The following SPECC1 variants were observed in gnomAD, a reference collection of about 807,000 sequenced individuals.
The protein encoded by SPECC1 is sperm antigen with calponin homology and coiled-coil domains 1, also known as cytospin-B.
A neutral mutation model predicts 104.1 loss-of-function variants in SPECC1; 62 were observed. The ratio of observed to expected loss-of-function variants is 0.60; its 90% confidence interval spans 0.49 to 0.74. The LOEUF (loss-of-function observed/expected upper bound fraction) is 0.74, where lower values mean the gene tolerates loss of function less well. SPECC1 is among the 30% of genes least tolerant of loss of function. SPECC1 has a pLI of 0.00. For synonymous variants in SPECC1, 513 were observed against 501.6 expected, an observed-to-expected ratio of 1.02 and a Z score of -0.30; for missense variants, 1,306 against 1,310.5, an observed-to-expected ratio of 1.00 and a Z score of 0.05.
chr17:20,067,857 C>T (rs1313663324), intron 1 of SPECC1, among the ~76,000 whole-genome samples: 2 of 152,132 alleles, frequency 1.3e-5, no homozygotes, highest in African/African-American at 4.8e-5. Context: ...GGGCAGTTAC[C>T]ACCCTTCCAT....
At chr17:20,106,989 T>C (rs2048234112) in intron 2 of SPECC1, among the ~76,000 whole-genome samples, 1 of 150,754 alleles carries the variant, frequency 6.6e-6, no homozygotes, top group African/African-American at 2.4e-5. Context: ...AAACCCCGTC[T>C]CTACTAAAAA....
chr17:20,032,900 A>G (rs997730125), intron 1 of SPECC1, among the ~76,000 whole-genome samples: 12 of 151,704 alleles, frequency 7.9e-5, no homozygotes, highest in African/African-American at 1.2e-4. Flanking sequence ...GTCTGTATAT[A>G]TGTATATATG....
At chr17:20,201,760 T>TA (rs1387735054) in intron 3 of SPECC1, among the ~76,000 whole-genome samples, 1 of 152,210 alleles carries the variant, frequency 6.6e-6, no homozygotes, top group Non-Finnish European at 1.5e-5. Flanking sequence ...GAGTGTGTAG[T>TA]ATGATGCAGG....
rs369278535 is a variant in SPECC1, at chr17:20,010,450, T to C, written c.-22+1026T>C. On this transcript the variant is annotated intron_variant, in intron 1 of 14. Transcript: ENST00000395527. Reference sequence around the variant, plus strand: ...TGTTATCCAGTTCCAAACACCGTGTTATTTCAGTGTTGAAGATGGGGGAGG... The same window carrying C: ...TGTTATCCAGTTCCAAACACCGTGTCATTTCAGTGTTGAAGATGGGGGAGG... 1.4e-4 allele frequency among the ~76,000 whole-genome samples: 21 copies of C among 152,348 alleles called. No homozygotes were observed. In the East Asian group the frequency reaches 3.7e-3, roughly 27 times the overall value.
At chr17:20,181,278 A>T (rs1352656088) in intron 3 of SPECC1, among the ~76,000 whole-genome samples, 12 of 152,120 alleles carry the variant, frequency 7.9e-5, no homozygotes, top group Non-Finnish European at 1.6e-4. Flanking sequence ...AAAAAGTACA[A>T]AATAAAGAGA....
intron 1 of SPECC1, among the ~76,000 whole-genome samples, chr17:20,058,806 C>T (rs866768728): frequency 1.4e-4 from 21 of 150,946 alleles, no homozygotes; most frequent in African/African-American, 4.9e-4. Context: ...AATGATTCAG[C>T]CACATTACAT....
At chr17:20,298,921 AAGAGAGAGAG>A (rs370856374) in intron 13 of SPECC1, among the ~76,000 whole-genome samples, 942 of 72,870 alleles carry the variant, frequency 0.013, 60 homozygotes, top group African/African-American at 0.058. Context: ...GCAGAACCAA[AAGAGAGAGAG>A]AGAGAGAGAG....
At chr17:20,200,849 A>G (rs1597955960) in intron 3 of SPECC1, among the ~76,000 whole-genome samples, 1 of 151,976 alleles carries the variant, frequency 6.6e-6, no homozygotes, top group East Asian at 1.9e-4. Flanking sequence ...TGAGGTGTAC[A>G]GAGATGGGAA....
intron 12 of SPECC1, among the ~76,000 whole-genome samples, chr17:20,269,832 G>A (rs2040339729): frequency 6.6e-6 from 1 of 152,118 alleles, no homozygotes; most frequent in Non-Finnish European, 1.5e-5. Context: ...GTGTCCTTTC[G>A]CAGTAATAAA....
intron 3 of SPECC1, among the ~76,000 whole-genome samples, chr17:20,202,536 A>T (rs538170495): frequency 1.3e-5 from 2 of 152,238 alleles, no homozygotes; most frequent in Non-Finnish European, 2.9e-5. Flanking sequence ...CAAACAGACC[A>T]TGTAAACTTA....
At chr17:20,238,990 A>T (rs1391351522) in intron 7 of SPECC1, 2 of 1,037,364 alleles carry the variant, frequency 1.9e-6, no homozygotes, top group East Asian at 1.2e-4. Flanking sequence ...AGAACTTCAA[A>T]GTCACATCAA....
chr17:20,059,729 T>C (rs1452833590), intron 1 of SPECC1, among the ~76,000 whole-genome samples: 1 of 152,126 alleles, frequency 6.6e-6, no homozygotes, highest in Non-Finnish European at 1.5e-5. Context: ...TAGCTGGGCA[T>C]GGTGGGCCTG....
At chr17:20,273,512 C>A (rs2040478046) in intron 12 of SPECC1, among the ~76,000 whole-genome samples, 1 of 151,890 alleles carries the variant, frequency 6.6e-6, no homozygotes. Context: ...ACTACCTCAG[C>A]CCTCACCATG....
intron 2 of SPECC1, among the ~76,000 whole-genome samples, chr17:20,103,696 G>A (rs1351753686): frequency 1.3e-5 from 2 of 152,196 alleles, no homozygotes; most frequent in Non-Finnish European, 1.5e-5. Flanking sequence ...GTCTCCCTAG[G>A]AGCATGGCAT....
intron 11 of SPECC1, 128 bp from the exon 12 acceptor site, chr17:20,260,064 T>G: frequency 1.7e-6 from 1 of 605,388 alleles, no homozygotes; most frequent in Non-Finnish European, 2.7e-6. Context: ...CTAATTCGGC[T>G]GTTTCTTTAG....
chr17:20,094,781 G>T (rs1481711923), intron 1 of SPECC1, among the ~76,000 whole-genome samples: 1 of 151,708 alleles, frequency 6.6e-6, no homozygotes, highest in Admixed American at 6.6e-5. Flanking sequence ...TGTATTTTTT[G>T]TAGAGACAGA....
intron 1 of SPECC1, among the ~76,000 whole-genome samples, chr17:20,088,823 T>C (rs1342016073): frequency 6.6e-6 from 1 of 152,136 alleles, no homozygotes; most frequent in Non-Finnish European, 1.5e-5. Context: ...GATTAAGAGG[T>C]GGGGCCTTTG....
intron 2 of SPECC1, among the ~76,000 whole-genome samples, chr17:20,097,038 C>CT (rs2047682191): frequency 6.6e-6 from 1 of 152,188 alleles, no homozygotes; most frequent in Non-Finnish European, 1.5e-5. Context: ...TTAAGGTCCT[C>CT]TGCCCTGGGT....
intron 3 of SPECC1, among the ~76,000 whole-genome samples, chr17:20,184,679 A>G (rs2035139322): frequency 6.6e-6 from 1 of 152,242 alleles, no homozygotes; most frequent in African/African-American, 2.4e-5. Context: ...ACAAGTCAGT[A>G]TATGTAAAGT....
Sources: gnomAD v4.1 joint callset for allele counts (sites outside exome capture counted in the v4.1 genomes callset) on GRCh38, gnomAD v4.1.1 for gene constraint, MANE v1.5 for transcripts, NCBI Gene and HGNC (gene_info 2026-07-23, HGNC 2026-07-21) for gene names.